The following ASCC1 variants were observed in gnomAD, a reference collection of about 807,000 sequenced individuals.
ASCC1 encodes the protein ASC-1 complex subunit P50.
A neutral mutation model predicts 46.6 loss-of-function variants in ASCC1; 35 were observed. The ratio of observed to expected loss-of-function variants is 0.75; its 90% CI spans 0.57 to 0.99. The LOEUF is 0.99. ASCC1 is among the 50% of genes least tolerant of loss of function. ASCC1 has a pLI of 0.00. For synonymous variants in ASCC1, 143 were observed against 146.6 expected, an observed-to-expected ratio of 0.98 and a Z score of 0.18; for missense variants, 376 against 428.7, an observed-to-expected ratio of 0.88 and a Z score of 1.09.
At chr10:72,139,114 C>CTTTTT (rs1222967667) in intron 7 of ASCC1, among the ~76,000 whole-genome samples, 3 of 130,714 alleles carry the variant, frequency 2.3e-5, no homozygotes, top group African/African-American at 9.2e-5. Flanking sequence ...TTTTCTTTTT[C>CTTTTT]TTTTTTTTTT....
At chr10:72,151,311 G>A (rs115613247) in intron 7 of ASCC1, among the ~76,000 whole-genome samples, 3,244 of 152,266 alleles carry the variant, frequency 0.021, 113 homozygotes, top group African/African-American at 0.075. Flanking sequence ...GGATGAAGCT[G>A]GAAACCATCA....
intron 4 of ASCC1, chr10:72,198,522 G>C (rs1855986766): frequency 6.6e-6 from 3 of 455,458 alleles, no homozygotes; most frequent in Non-Finnish European, 1.3e-5. Flanking sequence ...AGACAGCCTA[G>C]GCAATTTACT....
At chr10:72,159,249 T>C (rs1849341843) in intron 6 of ASCC1, 1 of 152,220 alleles carries the variant, frequency 6.6e-6, no homozygotes, top group African/African-American at 2.4e-5. Context: ...TCAAAAATTC[T>C]GAGGAACTAT....
intron 7 of ASCC1, among the ~76,000 whole-genome samples, chr10:72,149,093 T>C (rs1721995987): frequency 1.3e-5 from 2 of 152,116 alleles, no homozygotes; most frequent in Admixed American, 6.5e-5. Context: ...CATGCCTATC[T>C]TCTCACTAAA....
In ASCC1 at chr10:72,141,741, T is replaced by C. The variant is rs375595989; in HGVS notation, c.747-8560A>G. On this transcript the variant is annotated intron_variant, in intron 7 of 9. Transcript: ENST00000672957. ...CCTAACATAAGAGCCATTGTACCCA[T>C]TTTTGTTTCCCTTACGGTATCTGAT... is the stretch of plus-strand genomic sequence containing the variant. Among the ~76,000 whole-genome samples the C allele has an allele frequency of 2.4e-4, 36 of 152,316 alleles. No homozygotes were observed. In the East Asian group the frequency reaches 3.5e-3, roughly 15 times the overall value.
intron 5 of ASCC1, among the ~76,000 whole-genome samples, chr10:72,164,378 G>A (rs1368909142): frequency 6.6e-6 from 1 of 152,098 alleles, no homozygotes; most frequent in East Asian, 1.9e-4. Flanking sequence ...TATATAGAAA[G>A]GATCATACAA....
At chr10:72,178,115 G>A (rs1483299155) in intron 5 of ASCC1, among the ~76,000 whole-genome samples, 1 of 152,206 alleles carries the variant, frequency 6.6e-6, no homozygotes, top group East Asian at 1.9e-4. Context: ...TTTAAAGGAA[G>A]AAAGAATTAT....
intron 5 of ASCC1, among the ~76,000 whole-genome samples, chr10:72,191,632 T>C (rs1395291531): frequency 6.6e-6 from 1 of 151,742 alleles, no homozygotes; most frequent in African/African-American, 2.4e-5. Flanking sequence ...ACCTTCATAT[T>C]TGAGGGTTAG....
At chr10:72,163,908 G>A (rs1292032568) in intron 5 of ASCC1, among the ~76,000 whole-genome samples, 1 of 151,950 alleles carries the variant, frequency 6.6e-6, no homozygotes, top group Admixed American at 6.6e-5. Flanking sequence ...TTCTTTAGTA[G>A]CAAAACTTTA....
chr10:72,190,983 G>A (rs1354168488), intron 5 of ASCC1, among the ~76,000 whole-genome samples: 14 of 112,570 alleles, frequency 1.2e-4, no homozygotes, highest in Admixed American at 4.4e-4. Flanking sequence ...GCGACAGAGC[G>A]AGACGCCGTC....
At chr10:72,213,414 G>C (rs1229006517) in intron 1 of ASCC1, 83 bp from the exon 2 acceptor site, 2 of 749,684 alleles carry the variant, frequency 2.7e-6, no homozygotes, top group Non-Finnish European at 4.6e-6. Flanking sequence ...ATGCAGGTCT[G>C]AATTGGGCAT....
intron 9 of ASCC1, among the ~76,000 whole-genome samples, chr10:72,119,857 G>C (rs754988291): frequency 6.6e-6 from 1 of 152,178 alleles, no homozygotes; most frequent in Admixed American, 6.5e-5. Context: ...ATGGATAAAG[G>C]AGACAACATG....
chr10:72,128,200 T>G, intron 8 of ASCC1, 33 bp from the exon 9 acceptor site: 1 of 1,575,028 alleles, frequency 6.3e-7, no homozygotes, highest in East Asian at 2.2e-5. Flanking sequence ...GTTAGAAGCT[T>G]AGATTGATTG....
At chr10:72,167,638 CTTT>C (rs547602844) in intron 5 of ASCC1, among the ~76,000 whole-genome samples, 17 of 133,680 alleles carry the variant, frequency 1.3e-4, no homozygotes, top group Admixed American at 1.5e-4. Flanking sequence ...GTGTCTATGT[CTTT>C]TTTTTTTTTT....
chr10:72,211,544 G>A (rs963484079), intron 2 of ASCC1, among the ~76,000 whole-genome samples: 10 of 152,132 alleles, frequency 6.6e-5, no homozygotes, highest in Admixed American at 3.9e-4. Flanking sequence ...AACCAAGGTC[G>A]TGCCACTGCA....
rs1349213529 is a variant in ASCC1 at position 72,101,882 on chromosome 10, T to C, written c.958-4432A>G. On this transcript the variant is annotated intron_variant, in intron 9 of 9. Transcript: ENST00000672957. ...AAAGACTGGAGCAGATGTGAATGAATGAATGAAGCCATGAATGAAACTATA... is the reference window on the plus strand; with the variant it reads ...AAAGACTGGAGCAGATGTGAATGAACGAATGAAGCCATGAATGAAACTATA... Among the ~76,000 whole-genome samples, 7 of 152,026 alleles carry C rather than the reference T, an allele frequency of 4.6e-5. No homozygotes were observed. The South Asian group carries it at 6.2e-4, about 14-fold the overall frequency.
chr10:72,135,107 G>A (rs1386150538), intron 7 of ASCC1, among the ~76,000 whole-genome samples: 3 of 152,156 alleles, frequency 2.0e-5, no homozygotes, highest in Admixed American at 6.5e-5. Context: ...AGTTGCAAAC[G>A]CTTACTGACA....
At chr10:72,142,495 G>A (rs1434811832) in intron 7 of ASCC1, among the ~76,000 whole-genome samples, 1 of 151,878 alleles carries the variant, frequency 6.6e-6, no homozygotes, top group African/African-American at 2.4e-5. Flanking sequence ...GCCTCTGGAG[G>A]AGCTGGGATT....
chr10:72,173,164 T>C (rs2132889460), intron 5 of ASCC1, among the ~76,000 whole-genome samples: 1 of 151,764 alleles, frequency 6.6e-6, no homozygotes, highest in East Asian at 1.9e-4. Flanking sequence ...GACCTGGAAA[T>C]GACTAGGAAA....
Sources: allele counts gnomAD v4.1 joint callset (sites outside exome capture counted in the v4.1 genomes callset), GRCh38; gene constraint gnomAD v4.1.1; transcripts MANE v1.5; gene names NCBI Gene and HGNC (gene_info 2026-07-23, HGNC 2026-07-21).